The following ZC3H12B variants were observed in gnomAD, a reference collection of about 807,000 sequenced individuals.
ZC3H12B encodes the protein probable ribonuclease ZC3H12B.
A neutral mutation model predicts 43.9 loss-of-function variants in ZC3H12B; 7 were observed. That is an observed-to-expected ratio of 0.16 (90% confidence interval 0.09 to 0.30). The LOEUF is 0.30. Among genes scored for constraint, ZC3H12B ranks in the 10% least tolerant of loss-of-function variants. The probability of loss-of-function intolerance (pLI) is 1.00; values close to 1 mark genes in which losing one functional copy is unlikely to be tolerated. For missense variants in ZC3H12B, 475 were observed against 670.2 expected, an observed-to-expected ratio of 0.71 and a Z score of 3.22; for synonymous variants, 222 against 241.7, an observed-to-expected ratio of 0.92 and a Z score of 0.76.
the ZC3H12B span, chrX:65,271,114 G>A: frequency 1.8e-5 from 2 of 112,509 alleles, no homozygotes; most frequent in Non-Finnish European, 3.8e-5. Context: ...CAAATGTAAG[G>A]GTTACATCCA....
At chrX:65,242,262 C>T in the ZC3H12B span, among the ~76,000 whole-genome samples, 1 of 111,731 alleles carries the variant, frequency 9.0e-6, no homozygotes, top group Non-Finnish European at 1.9e-5. Context: ...AGTTTTCATT[C>T]TTCTCTGTGA....
the ZC3H12B span, among the ~76,000 whole-genome samples, chrX:65,265,066 C>T: frequency 2.7e-5 from 3 of 111,680 alleles, no homozygotes; most frequent in Admixed American, 9.5e-5. Context: ...TTAGGCAAAA[C>T]CTTCCGGAGG....
the ZC3H12B span, among the ~76,000 whole-genome samples, chrX:65,227,413 G>A: frequency 1.8e-5 from 2 of 111,460 alleles, no homozygotes; most frequent in Admixed American, 9.5e-5. Context: ...AACACTAAAT[G>A]CCCACAAGAG....
the ZC3H12B span, among the ~76,000 whole-genome samples, chrX:65,279,540 C>G: frequency 9.0e-6 from 1 of 110,907 alleles, no homozygotes; most frequent in Non-Finnish European, 1.9e-5. Context: ...AAGCTGGACC[C>G]CATCCTTAAC....
intron 2 of ZC3H12B, among the ~76,000 whole-genome samples, chrX:65,375,898 AC>A (rs2066339761): frequency 9.0e-6 from 1 of 111,510 alleles, no homozygotes. Flanking sequence ...GACTCCTCCT[AC>A]TTGAGAAAAG....
the ZC3H12B span, among the ~76,000 whole-genome samples, chrX:65,171,490 G>A: frequency 2.7e-5 from 3 of 111,204 alleles, no homozygotes; most frequent in Non-Finnish European, 5.7e-5. Flanking sequence ...TCGGGGGTCC[G>A]AGACCCACTT....
At chrX:65,478,234 T>A (rs964832309) in intron 3 of ZC3H12B, among the ~76,000 whole-genome samples, 1 of 112,162 alleles carries the variant, frequency 8.9e-6, no homozygotes, top group Non-Finnish European at 1.9e-5. Flanking sequence ...AAATGGGGTC[T>A]CACTTCATTG....
the ZC3H12B span, among the ~76,000 whole-genome samples, chrX:65,259,900 A>G: frequency 8.9e-6 from 1 of 112,139 alleles, no homozygotes; most frequent in Non-Finnish European, 1.9e-5. Flanking sequence ...CATAAAAGGA[A>G]ATGAAATAAT....
At chrX:65,289,917 G>A in the ZC3H12B span, among the ~76,000 whole-genome samples, 8 of 110,775 alleles carry the variant, frequency 7.2e-5, no homozygotes, top group Admixed American at 1.9e-4. Flanking sequence ...GGACATTGTC[G>A]TAAGCAAGGG....
intron 3 of ZC3H12B, among the ~76,000 whole-genome samples, chrX:65,424,028 C>A (rs57676274): frequency 0.083 from 9,210 of 111,274 alleles, 1,025 homozygotes; most frequent in African/African-American, 0.29. Context: ...TTGAGATAAT[C>A]ATGTGGTTTT....
chrX:65,105,876 T>C, the ZC3H12B span, among the ~76,000 whole-genome samples: 2 of 111,740 alleles, frequency 1.8e-5, no homozygotes, highest in East Asian at 5.7e-4. Flanking sequence ...GGGGTGACAC[T>C]GCATGCTGCT....
intron 3 of ZC3H12B, among the ~76,000 whole-genome samples, chrX:65,449,344 C>T (rs1009913943): frequency 1.8e-5 from 2 of 111,641 alleles, no homozygotes; most frequent in East Asian, 2.8e-4. Context: ...GTGGGCCAGG[C>T]ATGGTGGTTC....
the ZC3H12B span, among the ~76,000 whole-genome samples, chrX:65,137,951 C>A: frequency 8.9e-6 from 1 of 111,931 alleles, no homozygotes; most frequent in African/African-American, 3.2e-5. Flanking sequence ...GCCTCAGTCC[C>A]CCGAGTAGCT....
At chrX:65,152,773 A>G in the ZC3H12B span, among the ~76,000 whole-genome samples, 1 of 111,960 alleles carries the variant, frequency 8.9e-6, no homozygotes, top group African/African-American at 3.2e-5. Flanking sequence ...CCGCATTGCC[A>G]AGTCAATCCT....
At chrX:65,249,796 A>AT in the ZC3H12B span, among the ~76,000 whole-genome samples, 3,468 of 48,889 alleles carry the variant, frequency 0.071, 182 homozygotes, top group Non-Finnish European at 0.092. Flanking sequence ...ATTCCTAAGT[A>AT]TTTTTTTTTT....
At chrX:65,462,652 T>G (rs192135639) in intron 3 of ZC3H12B, among the ~76,000 whole-genome samples, 2 of 112,304 alleles carry the variant, frequency 1.8e-5, no homozygotes, top group Non-Finnish European at 3.8e-5. Flanking sequence ...AGGTTCTTGC[T>G]TACACACTGT....
At chrX:65,451,464 G>A (rs776494641) in intron 3 of ZC3H12B, among the ~76,000 whole-genome samples, 1 of 110,571 alleles carries the variant, frequency 9.0e-6, no homozygotes, top group Non-Finnish European at 1.9e-5. Context: ...ATTGGGCTAT[G>A]TTTCTCTGTT....
intron 2 of ZC3H12B, among the ~76,000 whole-genome samples, chrX:65,388,645 C>G (rs1457487294): frequency 8.9e-6 from 1 of 112,095 alleles, no homozygotes; most frequent in Admixed American, 9.5e-5. Context: ...CTCAACTCGT[C>G]AAAGTCATTC....
At chrX:65,309,038 A>G in the ZC3H12B span, among the ~76,000 whole-genome samples, 1 of 111,610 alleles carries the variant, frequency 9.0e-6, no homozygotes, top group East Asian at 2.8e-4. Flanking sequence ...AGAAAGCAGG[A>G]AAGATCTAAA....
Sources: allele counts gnomAD v4.1 joint callset (sites outside exome capture counted in the v4.1 genomes callset), GRCh38; gene constraint gnomAD v4.1.1; transcripts MANE v1.5; gene names NCBI Gene and HGNC (gene_info 2026-07-23, HGNC 2026-07-21).